The following COL23A1 variants were observed in gnomAD, a reference collection of about 807,000 sequenced individuals.
COL23A1 encodes the protein collagen type XXIII alpha 1 chain.
A neutral mutation model predicts 99.3 loss-of-function variants in COL23A1; 97 were observed. The observed-to-expected ratio is 0.98, with a 90% CI of 0.83 to 1.16. COL23A1 has a LOEUF of 1.16. COL23A1 is among the 50% of genes most tolerant of loss of function. COL23A1 has a pLI of 0.00. For synonymous variants in COL23A1, 320 were observed against 308.2 expected (o/e 1.04, Z -0.40); for missense variants, 762 against 757.4 (o/e 1.01, Z -0.07).
At chr5:178,335,759 G>A (rs1399816812) in intron 2 of COL23A1, among the ~76,000 whole-genome samples, 1 of 152,222 alleles carries the variant, frequency 6.6e-6, no homozygotes, top group African/African-American at 2.4e-5. Context: ...ACTAGACCTA[G>A]GACACTGTGA....
chr5:178,426,828 C>A (rs1765964443), intron 2 of COL23A1, among the ~76,000 whole-genome samples: 1 of 152,240 alleles, frequency 6.6e-6, no homozygotes, highest in African/African-American at 2.4e-5. Flanking sequence ...GATTCCTCAT[C>A]AAAGAACATA....
intron 2 of COL23A1, among the ~76,000 whole-genome samples, chr5:178,406,560 G>A (rs1764776579): frequency 6.6e-6 from 1 of 152,014 alleles, no homozygotes; most frequent in Admixed American, 6.6e-5. Flanking sequence ...CTCCCGAGTA[G>A]CTGGGATTAC....
intron 2 of COL23A1, among the ~76,000 whole-genome samples, chr5:178,408,540 G>A (rs1159427698): frequency 1.3e-5 from 2 of 152,084 alleles, no homozygotes; most frequent in Non-Finnish European, 2.9e-5. Flanking sequence ...GTAACAAATG[G>A]GGGAGTGTAA....
chr5:178,404,979 T>C (rs1764678650), intron 2 of COL23A1, among the ~76,000 whole-genome samples: 1 of 152,246 alleles, frequency 6.6e-6, no homozygotes. Context: ...CTGGTGTTTT[T>C]GCTATTGTGG....
chr5:178,379,822 G>A lies in COL23A1; in HGVS notation c.362-72903C>T, dbSNP rs569492423. On this transcript the variant is annotated intron_variant, in intron 2 of 28. Coordinates refer to ENST00000390654, the MANE Select transcript of COL23A1 (RefSeq NM_173465.4). ...CTTGAACCCAGGAGGCGGAGGTTGC[G>A]GTGAGCAGAGGTCACGCCATTGCAC... Among the ~76,000 whole-genome samples the A allele has an allele frequency of 7.3e-5, 11 of 151,506 alleles. No homozygotes were observed. In the East Asian group the frequency reaches 9.7e-4, roughly 13 times the overall value.
chr5:178,306,813 G>T lies in COL23A1; in HGVS notation c.406+62C>A. On this transcript the variant is annotated intron_variant, in intron 3 of 28. Transcript: ENST00000390654. The surrounding 1 kb of genome is among the most constrained non-coding windows in gnomAD (Gnocchi z 4.1). The stretch of plus-strand genomic sequence containing the variant: ...AGCAGGTGGCCAGGCCCTGCAGTCA[G>T]AGCCTGGGGCCATGGTGGCTTCCAA... 1 of 1,299,974 alleles carries T rather than the reference G, an allele frequency of 7.7e-7. No individual in the cohort carries two copies. The highest frequency in any genetic ancestry group is 1.0e-6 in the Non-Finnish European group (1 of 981,360). The allele number at this position is 1,299,974 out of a possible 1,614,324, so 80.5% of individuals were successfully genotyped here. A position where few individuals can be genotyped will look rare whatever the true frequency, so the allele number is the denominator to read the frequency against.
intron 2 of COL23A1, among the ~76,000 whole-genome samples, chr5:178,407,487 A>G (rs1006094890): frequency 2.0e-5 from 3 of 152,264 alleles, no homozygotes; most frequent in African/African-American, 7.2e-5. Flanking sequence ...GGGAAAAGAC[A>G]ATCAACAGAT....
intron 4 of COL23A1, among the ~76,000 whole-genome samples, chr5:178,289,768 GAA>G (rs201721426): frequency 0.017 from 2,564 of 152,328 alleles, 71 homozygotes; most frequent in African/African-American, 0.057. Context: ...ATTTGGTGAG[GAA>G]CAACCAGGCT....
intron 2 of COL23A1, among the ~76,000 whole-genome samples, chr5:178,539,865 C>A (rs1761194492): frequency 1.3e-5 from 2 of 152,104 alleles, no homozygotes; most frequent in Non-Finnish European, 2.9e-5. Flanking sequence ...AAATCCTAAA[C>A]AAAAGATTAG....
intron 25 of COL23A1, 71 bp from the exon 26 acceptor site, chr5:178,242,465 CTG>C: frequency 6.7e-7 from 1 of 1,493,184 alleles, no homozygotes; most frequent in Non-Finnish European, 9.3e-7. Flanking sequence ...CGGCTCATCT[CTG>C]TTCCTCTCCC....
chr5:178,367,559 A>G (rs887215170), intron 2 of COL23A1, among the ~76,000 whole-genome samples: 1 of 152,092 alleles, frequency 6.6e-6, no homozygotes, highest in Admixed American at 6.5e-5. Context: ...CCCTAGGTGA[A>G]CACTAGGTCC....
At chr5:178,563,821 C>T (rs111489004) in intron 1 of COL23A1, among the ~76,000 whole-genome samples, 2,078 of 152,148 alleles carry the variant, frequency 0.014, 56 homozygotes, top group African/African-American at 0.046. Flanking sequence ...GTTGAGTCAC[C>T]GCGCCCAGCC....
In COL23A1 at chr5:178,255,897, TA is replaced by T; in HGVS notation, c.882+455del. ...AGGATCCCGGACGTCACCCTAAAGG[TA>T]AGGTATGTTGATAGGGGCTGGTCAC... On this transcript the variant is annotated intron_variant, in intron 15 of 28. Transcript: ENST00000390654. This position sits in a 1 kb window ranked among gnomAD's most constrained non-coding sequence, Gnocchi z 4.2. 2.8e-6 allele frequency: 1 copy of T among 356,782 alleles called. No individual in the cohort carries two copies. The highest frequency in any genetic ancestry group is 5.8e-6 in the Non-Finnish European group (1 of 171,102). The allele number at this position is 356,782 out of a possible 1,614,324, so 22.1% of individuals were successfully genotyped here. A position where few individuals can be genotyped will look rare whatever the true frequency, so the allele number is the denominator to read the frequency against.
At chr5:178,552,382 CA>C (rs905422417) in intron 2 of COL23A1, among the ~76,000 whole-genome samples, 1 of 152,086 alleles carries the variant, frequency 6.6e-6, no homozygotes, top group African/African-American at 2.4e-5. Flanking sequence ...TCGTGCCCCC[CA>C]AAAAATCAGA....
At chr5:178,504,069 C>T (rs1468479651) in intron 2 of COL23A1, among the ~76,000 whole-genome samples, 2 of 152,162 alleles carry the variant, frequency 1.3e-5, no homozygotes, top group South Asian at 2.1e-4. Flanking sequence ...GAAAGACATT[C>T]CTGGCTGTAC....
chr5:178,246,136 A>T, intron 24 of COL23A1, 118 bp downstream of exon 24: 1 of 1,341,588 alleles, frequency 7.5e-7, no homozygotes, highest in Non-Finnish European at 1.1e-6. Context: ...ACAGAGCCTG[A>T]ACTCTGGCCC....
chr5:178,388,255 T>A (rs1466549697), intron 2 of COL23A1, among the ~76,000 whole-genome samples: 3 of 152,224 alleles, frequency 2.0e-5, no homozygotes, highest in Non-Finnish European at 4.4e-5. Context: ...CTAGTCCTGA[T>A]AATCCCACAG....
intron 2 of COL23A1, among the ~76,000 whole-genome samples, chr5:178,490,604 G>GA (rs1007295394): frequency 1.6e-3 from 237 of 147,610 alleles, no homozygotes; most frequent in Middle Eastern, 0.01. Context: ...GCAACATAGT[G>GA]AAAAAAAAAA....
chr5:178,589,478 G>A lies in COL23A1; in HGVS notation c.294+426C>T, dbSNP rs1764159652. On this transcript the variant is annotated intron_variant, in intron 1 of 28. Coordinates refer to ENST00000390654, the MANE Select transcript of COL23A1 (RefSeq NM_173465.4). The surrounding 1 kb of genome is among the most constrained non-coding windows in gnomAD (Gnocchi z 5.4). ...TCCGCCGTGACCACCGCCTCTCCAG[G>A]TGTACCAGCGTTGGTTAGGAACAGT... is the stretch of plus-strand genomic sequence containing the variant. Among the ~76,000 whole-genome samples, 1 of 152,172 alleles carries A rather than the reference G, an allele frequency of 6.6e-6. No individual in the cohort carries two copies.
Sources: allele counts gnomAD v4.1 joint callset (sites outside exome capture counted in the v4.1 genomes callset), GRCh38; gene constraint gnomAD v4.1.1; non-coding constraint Gnocchi (gnomAD v3.1); transcripts MANE v1.5; gene names NCBI Gene and HGNC (gene_info 2026-07-23, HGNC 2026-07-21).